Variants in TUB observed in about 807,000 individuals in gnomAD.
The protein encoded by TUB is TUB bipartite transcription factor.
TUB carries 33 observed loss-of-function variants against 59.7 expected under a neutral mutation model. The observed-to-expected ratio is 0.55, with a 90% CI of 0.42 to 0.74. The LOEUF (loss-of-function observed/expected upper bound fraction) is 0.74. TUB is among the 30% of genes least tolerant of loss of function. The pLI, the probability that TUB is intolerant of heterozygous loss-of-function variation, is 0.00. For synonymous variants in TUB, 293 were observed against 256.4 expected (o/e 1.14, Z -1.36); for missense variants, 659 against 672.0 (o/e 0.98, Z 0.21).
At chr11:8,089,351 C>T (rs1226791007) in intron 1 of TUB, among the ~76,000 whole-genome samples, 1 of 152,138 alleles carries the variant, frequency 6.6e-6, no homozygotes, top group Non-Finnish European at 1.5e-5. Context: ...GGGAGGGTCT[C>T]ATCCGGTATT....
chr11:8,066,645 C>G (rs944625367), intron 2 of TUB, among the ~76,000 whole-genome samples: 3 of 152,304 alleles, frequency 2.0e-5, no homozygotes, highest in African/African-American at 7.2e-5. Flanking sequence ...GGTTCTGAAT[C>G]CCAATCTGTC....
upstream of TUB, among the ~76,000 whole-genome samples, chr11:8,037,568 T>G (rs751521840): frequency 2.6e-5 from 4 of 152,306 alleles, no homozygotes; most frequent in African/African-American, 7.2e-5. Flanking sequence ...TTCTGAAGAT[T>G]CCTAATTATT....
intron 1 of TUB, among the ~76,000 whole-genome samples, chr11:8,019,890 C>T (rs955656037): frequency 6.6e-6 from 1 of 152,126 alleles, no homozygotes; most frequent in Non-Finnish European, 1.5e-5. Flanking sequence ...AGATGGCAGC[C>T]TGGGCCGGCT....
chr11:8,034,780 C>T (rs974789792), upstream of TUB, among the ~76,000 whole-genome samples: 24 of 152,226 alleles, frequency 1.6e-4, no homozygotes, highest in Non-Finnish European at 8.8e-5. Context: ...CTCCCATCTC[C>T]TCCCCTTAGC....
At chr11:8,049,133 G>T (rs972932150) in intron 2 of TUB, among the ~76,000 whole-genome samples, 1 of 152,142 alleles carries the variant, frequency 6.6e-6, no homozygotes, top group Admixed American at 6.5e-5. Flanking sequence ...CAAAGCATGG[G>T]CTACCTTGTG....
intron 2 of TUB, among the ~76,000 whole-genome samples, chr11:8,066,488 C>A (rs1943244348): frequency 6.6e-6 from 1 of 152,188 alleles, no homozygotes; most frequent in Non-Finnish European, 1.5e-5. Context: ...GCACAGGGGA[C>A]TAAGTGATGA....
At chr11:8,096,593 C>A in intron 5 of TUB, 92 bp from the exon 6 acceptor site, 1 of 841,424 alleles carries the variant, frequency 1.2e-6, no homozygotes, top group South Asian at 1.4e-5. Context: ...ACAGGTGAGT[C>A]AGTGTCTGAA....
At chr11:8,033,729 C>T (rs1302549921), upstream of TUB, among the ~76,000 whole-genome samples, 4 of 152,252 alleles carry the variant, frequency 2.6e-5, no homozygotes, top group Non-Finnish European at 5.9e-5. Flanking sequence ...CAGCAGAGTG[C>T]TGCTGTCGTC....
chr11:8,068,683 G>C (rs1217326217), intron 2 of TUB: 1 of 152,576 alleles, frequency 6.6e-6, no homozygotes, highest in Admixed American at 6.5e-5. Context: ...AGCCCTGCCT[G>C]GTTCCCTGTC....
Position 8,101,512 on chromosome 11 carries a change from C to A in TUB, c.1414C>A (p.Arg472=). The A allele has an allele frequency of 6.2e-7, 1 of 1,614,214 alleles. No individual in the cohort carries two copies. Among genetic ancestry groups the A allele is most frequent in the South Asian group, 1.1e-5 (1 of 91,082 alleles). The change falls in exon 12 of 12, where the codon CGG becomes AGG. Residue 472 remains arginine, a synonymous_variant. Coordinates refer to ENST00000299506, the MANE Select transcript of TUB (RefSeq NM_177972.3). ...GGACTACATCGTGATGCAGTTTGGC[C>A]GGGTAGCAGAGGATGTGTTCACCAT... ...DPDYIVMQFG[R]VAEDVFTMDY...
intron 1 of TUB, among the ~76,000 whole-genome samples, chr11:8,031,757 G>A (rs74474210): frequency 0.057 from 8,750 of 152,340 alleles, 341 homozygotes; most frequent in Middle Eastern, 0.085. Flanking sequence ...ACAGGAGCTG[G>A]GGTAGGGAGG....
At chr11:8,038,878 G>A in exon 1 of TUB, 1 of 1,613,932 alleles carries the variant, frequency 6.2e-7, no homozygotes, top group Non-Finnish European at 8.5e-7. Context: ...GCCACGATGG[G>A]GGCCAGGACA....
intron 1 of TUB, among the ~76,000 whole-genome samples, chr11:8,039,361 G>A (rs1227948291): frequency 2.6e-5 from 4 of 152,128 alleles, no homozygotes; most frequent in Non-Finnish European, 5.9e-5. Flanking sequence ...CCTCCTTCCA[G>A]CTTCTGCCTG....
intron 1 of TUB, among the ~76,000 whole-genome samples, chr11:8,027,757 C>T (rs1381064513): frequency 5.3e-5 from 8 of 152,200 alleles, no homozygotes; most frequent in Admixed American, 6.5e-5. Flanking sequence ...TCAAGTGATC[C>T]GCCCATCTCA....
In TUB at chr11:8,104,823, A is replaced by ACAGGTGTTG. The variant is rs908717223; in HGVS notation, c.*3205_*3213dup. ...CATAATGTCCAGATCTATGGCGAACACAGGTGTTGGAAGCCAGGACTGTGA... is the reference window on the plus strand; with the variant it reads ...CATAATGTCCAGATCTATGGCGAACACAGGTGTTGCAGGTGTTGGAAGCCAGGACTGTGA... On this transcript the variant is annotated 3_prime_UTR_variant, in exon 12 of 12. Coordinates refer to ENST00000299506, the MANE Select transcript of TUB (RefSeq NM_177972.3). 9.9e-5 allele frequency: 15 copies of ACAGGTGTTG among 152,188 alleles called. No individual in the cohort carries two copies. Among genetic ancestry groups the ACAGGTGTTG allele is most frequent in the Non-Finnish European group, 4.4e-5 (3 of 68,036 alleles). The allele number at this position is 152,188 out of a possible 1,614,324, so 9.4% of individuals were successfully genotyped here. A position where few individuals can be genotyped will look rare whatever the true frequency, so the allele number is the denominator to read the frequency against.
intron 2 of TUB, among the ~76,000 whole-genome samples, chr11:8,049,576 TATATAG>T (rs66502777): frequency 0.42 from 53,942 of 128,844 alleles, 12,175 homozygotes; most frequent in Middle Eastern, 0.6. Context: ...TATATATATA[TATATAG>T]ATAGATAGAT....
chr11:8,061,693 G>A (rs925421337), intron 2 of TUB, among the ~76,000 whole-genome samples: 25 of 152,096 alleles, frequency 1.6e-4, no homozygotes, highest in Admixed American at 1.6e-3. Flanking sequence ...TTGCCTGGAA[G>A]TTGTCCTGCC....
chr11:8,056,935 C>T (rs988382856), intron 2 of TUB, among the ~76,000 whole-genome samples: 6 of 152,102 alleles, frequency 3.9e-5, no homozygotes, highest in African/African-American at 1.4e-4. Flanking sequence ...TCATTCTCTC[C>T]ACACGTCACG....
chr11:8,060,895 T>A (rs1223543117), intron 2 of TUB, among the ~76,000 whole-genome samples: 1 of 152,234 alleles, frequency 6.6e-6, no homozygotes, highest in Non-Finnish European at 1.5e-5. Flanking sequence ...GTGAACTCCC[T>A]GCCTGCCACC....
Sources: gnomAD v4.1 joint callset for allele counts (sites outside exome capture counted in the v4.1 genomes callset) on GRCh38, gnomAD v4.1.1 for gene constraint, MANE v1.5 for transcripts, NCBI Gene and HGNC (gene_info 2026-07-23, HGNC 2026-07-21) for gene names.